The following HS6ST3 variants were observed in gnomAD, a reference collection of about 807,000 sequenced individuals.
HS6ST3 encodes heparan-sulfate 6-O-sulfotransferase 3.
Under a neutral mutation model 36.7 loss-of-function variants are expected in HS6ST3, and 12 were observed. The observed-to-expected ratio is 0.33, with a 90% CI of 0.21 to 0.53. HS6ST3 has a LOEUF of 0.53. HS6ST3 is among the 20% of genes least tolerant of loss of function. The pLI is 0.95. For synonymous variants in HS6ST3, 240 were observed against 257.5 expected (o/e 0.93, Z 0.65); for missense variants, 584 against 640.9 (o/e 0.91, Z 0.96).
At chr13:96,515,143 T>C (rs1371599682) in intron 1 of HS6ST3, among the ~76,000 whole-genome samples, 2 of 152,250 alleles carry the variant, frequency 1.3e-5, no homozygotes, top group African/African-American at 4.8e-5. Flanking sequence ...ACATTAACTT[T>C]AGGAATAATA....
intron 1 of HS6ST3, among the ~76,000 whole-genome samples, chr13:96,577,491 T>A (rs1420109273): frequency 1.3e-5 from 2 of 152,204 alleles, no homozygotes; most frequent in Non-Finnish European, 2.9e-5. Flanking sequence ...GCATGTGTCT[T>A]TATAGTAGAA....
chr13:96,174,542 T>A (rs923857730), intron 1 of HS6ST3, among the ~76,000 whole-genome samples: 13 of 152,144 alleles, frequency 8.5e-5, no homozygotes, highest in Non-Finnish European at 1.0e-4. Flanking sequence ...GTATAGTAGA[T>A]ATATTATTTT....
rs1031874648 is a variant in HS6ST3, at chr13:96,223,849, C to G, written c.707+132280C>G. Among the ~76,000 whole-genome samples the G allele has an allele frequency of 9.9e-5, 15 of 152,218 alleles. 2 individuals carry two copies. Among genetic ancestry groups the G allele is most frequent in the African/African-American group, 3.6e-4 (15 of 41,538 alleles). Reference sequence around the variant, plus strand: ...GGTCAACAATGCTTTCCTTGGATATCTAGTTGGGGGACTTCAATCTCCCTC... The same window carrying G: ...GGTCAACAATGCTTTCCTTGGATATGTAGTTGGGGGACTTCAATCTCCCTC... On this transcript the variant is annotated intron_variant, in intron 1 of 1. Transcript: ENST00000376705.
intron 1 of HS6ST3, among the ~76,000 whole-genome samples, chr13:96,379,035 A>T (rs947069692): frequency 4.6e-5 from 7 of 152,124 alleles, no homozygotes; most frequent in Non-Finnish European, 1.0e-4. Context: ...GCTTGTGCAT[A>T]TCGAGCCTCC....
intron 1 of HS6ST3, among the ~76,000 whole-genome samples, chr13:96,164,568 A>T (rs2054152136): frequency 6.6e-6 from 1 of 152,022 alleles, no homozygotes; most frequent in African/African-American, 2.4e-5. Flanking sequence ...AAAAAAAAAA[A>T]AAGATTATCA....
At chr13:96,166,581 T>C (rs1829010241) in intron 1 of HS6ST3, among the ~76,000 whole-genome samples, 1 of 149,598 alleles carries the variant, frequency 6.7e-6, no homozygotes, top group Admixed American at 6.6e-5. Flanking sequence ...CTTTCTTTTT[T>C]TTTTTTTTTT....
chr13:96,762,075 T>A (rs1372239292), intron 1 of HS6ST3, among the ~76,000 whole-genome samples: 1 of 152,080 alleles, frequency 6.6e-6, no homozygotes, highest in African/African-American at 2.4e-5. Flanking sequence ...TATACACATA[T>A]ACGTATATGT....
intron 1 of HS6ST3, among the ~76,000 whole-genome samples, chr13:96,665,319 T>C (rs552100525): frequency 1.3e-5 from 2 of 152,284 alleles, no homozygotes; most frequent in South Asian, 2.1e-4. Context: ...TACATAGCAA[T>C]GGAGCTGGAG....
intron 1 of HS6ST3, among the ~76,000 whole-genome samples, chr13:96,608,647 G>A (rs2050537): frequency 0.055 from 8,422 of 152,280 alleles, 261 homozygotes; most frequent in Middle Eastern, 0.085. Flanking sequence ...CAGATGTGGA[G>A]GAGGACCCTG....
chr13:96,170,744 G>A (rs1594702823), intron 1 of HS6ST3, among the ~76,000 whole-genome samples: 1 of 152,314 alleles, frequency 6.6e-6, no homozygotes, highest in South Asian at 2.1e-4. Context: ...ATTACTGATA[G>A]GCACAGGAAG....
chr13:96,444,861 C>CG (rs2055690599), intron 1 of HS6ST3, among the ~76,000 whole-genome samples: 1 of 152,224 alleles, frequency 6.6e-6, no homozygotes, highest in South Asian at 2.1e-4. Flanking sequence ...ATGGCATTGG[C>CG]TGAAACAGCA....
intron 1 of HS6ST3, among the ~76,000 whole-genome samples, chr13:96,737,844 A>G (rs924991558): frequency 6.6e-6 from 1 of 151,300 alleles, no homozygotes; most frequent in African/African-American, 2.4e-5. Context: ...TTTGGCTCTG[A>G]CCCCCCTCCC....
At chr13:96,139,458 G>T (rs1242843643) in intron 1 of HS6ST3, among the ~76,000 whole-genome samples, 1 of 141,600 alleles carries the variant, frequency 7.1e-6, no homozygotes, top group Non-Finnish European at 1.5e-5. Flanking sequence ...GTAAAAAATG[G>T]CATTTAATGA....
intron 1 of HS6ST3, among the ~76,000 whole-genome samples, chr13:96,262,601 A>G (rs1200628993): frequency 6.6e-6 from 1 of 152,246 alleles, no homozygotes; most frequent in African/African-American, 2.4e-5. Context: ...TTACATGGTC[A>G]GTTTTGTGTC....
At chr13:96,424,634 C>G (rs74106451) in intron 1 of HS6ST3, among the ~76,000 whole-genome samples, 1,836 of 152,256 alleles carry the variant, frequency 0.012, 30 homozygotes, top group African/African-American at 0.042. Flanking sequence ...TAGATGGTGA[C>G]TTTTTCTGGG....
At chr13:96,177,782 TAAATA>T (rs2054219417) in intron 1 of HS6ST3, among the ~76,000 whole-genome samples, 1 of 1,166 alleles carries the variant, frequency 8.6e-4, no homozygotes, top group East Asian at 6.3e-3. Flanking sequence ...AAGTTAAAAA[TAAATA>T]AATAAATAAA....
intron 1 of HS6ST3, among the ~76,000 whole-genome samples, chr13:96,114,779 G>A (rs1218538836): frequency 1.3e-5 from 2 of 152,180 alleles, no homozygotes; most frequent in Admixed American, 1.3e-4. Flanking sequence ...CACTGCTCTT[G>A]TCACAAAACA....
intron 1 of HS6ST3, among the ~76,000 whole-genome samples, chr13:96,638,673 G>T (rs1156902006): frequency 1.3e-5 from 2 of 151,818 alleles, no homozygotes; most frequent in Non-Finnish European, 2.9e-5. Context: ...GGACATGTTT[G>T]CTTCCCCTTC....
At chr13:96,486,039 G>A (rs1287327286) in intron 1 of HS6ST3, among the ~76,000 whole-genome samples, 7 of 107,782 alleles carry the variant, frequency 6.5e-5, no homozygotes, top group Admixed American at 1.4e-4. Flanking sequence ...AACAGGCCCC[G>A]GTGTGTGATG....
Sources: allele counts gnomAD v4.1 joint callset (sites outside exome capture counted in the v4.1 genomes callset), GRCh38; gene constraint gnomAD v4.1.1; transcripts MANE v1.5; gene names NCBI Gene and HGNC (gene_info 2026-07-23, HGNC 2026-07-21).